KCNMA1: variants seen among roughly 807,000 people sequenced by gnomAD.
The protein encoded by KCNMA1 is potassium calcium-activated channel subfamily M alpha 1.
Under a neutral mutation model 140.0 loss-of-function variants are expected in KCNMA1, and 29 were observed. The observed-to-expected ratio is 0.21, with a 90% CI of 0.15 to 0.28. KCNMA1 has a LOEUF of 0.28. Ranked by LOEUF, KCNMA1 falls within the 10% of genes least tolerant of loss-of-function variation. The pLI is 1.00. For missense variants in KCNMA1, 880 were observed against 1,602.2 expected (o/e 0.55, Z 7.70); for synonymous variants, 612 against 611.9 (o/e 1.00, Z 0.00).
chr10:77,038,020 C>T (rs2094445633), intron 15 of KCNMA1, among the ~76,000 whole-genome samples: 1 of 152,172 alleles, frequency 6.6e-6, no homozygotes, highest in Admixed American at 6.5e-5. Flanking sequence ...GAATCAATTA[C>T]CTATTCACTT....
At chr10:77,267,600 ATGGC>A (rs2063785632) in intron 2 of KCNMA1, among the ~76,000 whole-genome samples, 1 of 152,162 alleles carries the variant, frequency 6.6e-6, no homozygotes, top group Admixed American at 6.5e-5. Flanking sequence ...GATCGCTGTG[ATGGC>A]TGCACCCTCC....
Position 77,436,302 on chromosome 10 carries a change from C to T in KCNMA1, c.379-32279G>A, listed in dbSNP as rs1289478560. ...CTGGGCTAACTTAACAGGTTGAATT[C>T]AAGGCGTACCAAACTTTAAAACTGG... On this transcript the variant is annotated intron_variant, in intron 1 of 27. Transcript: ENST00000286628. Among the ~76,000 whole-genome samples, 3 of 152,218 alleles carry T rather than the reference C, an allele frequency of 2.0e-5. No homozygotes were observed. In the East Asian group the frequency reaches 5.8e-4, roughly 29 times the overall value.
At chr10:77,452,267 C>CAGATGGGGG (rs1367548412) in intron 1 of KCNMA1, among the ~76,000 whole-genome samples, 2 of 152,170 alleles carry the variant, frequency 1.3e-5, no homozygotes, top group Non-Finnish European at 2.9e-5. Context: ...TGTGAGACCC[C>CAGATGGGGG]AGATGGGGGA....
At chr10:77,496,908 A>G (rs1320088907) in intron 1 of KCNMA1, among the ~76,000 whole-genome samples, 1 of 151,854 alleles carries the variant, frequency 6.6e-6, no homozygotes, top group African/African-American at 2.4e-5. Flanking sequence ...TTGTCTTCCC[A>G]CTCGCCATCC....
At chr10:77,502,735 G>A (rs761203961) in intron 1 of KCNMA1, among the ~76,000 whole-genome samples, 1 of 152,034 alleles carries the variant, frequency 6.6e-6, no homozygotes. Flanking sequence ...ACAACTCTCC[G>A]AGCCTCAATT....
At chr10:77,119,681 T>C (rs1181872852) in intron 6 of KCNMA1, among the ~76,000 whole-genome samples, 1 of 152,198 alleles carries the variant, frequency 6.6e-6, no homozygotes, top group Non-Finnish European at 1.5e-5. Context: ...CAATATTCAC[T>C]GTATGTGAAT....
At chr10:77,251,837 C>A (rs1448405828) in intron 2 of KCNMA1, among the ~76,000 whole-genome samples, 1 of 152,152 alleles carries the variant, frequency 6.6e-6, no homozygotes, top group Non-Finnish European at 1.5e-5. Flanking sequence ...ATCCCCTTTC[C>A]CATTTCCAAG....
At chr10:76,903,503 G>A (rs926048499) in intron 25 of KCNMA1, 6 of 152,038 alleles carry the variant, frequency 3.9e-5, no homozygotes, top group African/African-American at 1.5e-4. Context: ...CTGGCCTGAT[G>A]TGACAGCAGT....
intron 27 of KCNMA1, chr10:76,888,352 A>G (rs2038213041): frequency 6.6e-6 from 1 of 152,212 alleles, no homozygotes; most frequent in Non-Finnish European, 1.5e-5. Context: ...CTGGCTATAC[A>G]CTATAATCCC....
intron 1 of KCNMA1, among the ~76,000 whole-genome samples, chr10:77,503,640 G>A (rs999347628): frequency 1.3e-5 from 2 of 152,184 alleles, no homozygotes; most frequent in Non-Finnish European, 2.9e-5. Flanking sequence ...GTGCAGTCAT[G>A]GGCCCAGCAC....
intron 2 of KCNMA1, 41 bp downstream of exon 2, chr10:77,403,821 A>G (rs779029196): frequency 6.3e-6 from 10 of 1,586,974 alleles, no homozygotes; most frequent in Non-Finnish European, 8.6e-7. Flanking sequence ...CTTGGCCCAG[A>G]CAGCAAGGCC....
rs1162318311 is a variant in KCNMA1 at position 77,041,151 on chromosome 10, C to CT, written c.1750-1515dup. ...TGTGCACCACCATGCCTGGCTAATT[C>CT]TTTTTTTTTTTTTTTTTTTTTTTTT... On this transcript the variant is annotated intron_variant, in intron 14 of 27. Coordinates refer to ENST00000286628, the MANE Select transcript of KCNMA1 (RefSeq NM_001161352.2). Among the ~76,000 whole-genome samples the CT allele has an allele frequency of 1.9e-3, 3 of 1,584 alleles. 1 individual carries two copies. Among genetic ancestry groups the CT allele is most frequent in the Non-Finnish European group, 3.5e-3 (3 of 848 alleles). 1.0% of individuals were successfully genotyped at this position (1,584 alleles called of 152,430 possible). A position where few individuals can be genotyped will look rare whatever the true frequency, so the allele number is the denominator to read the frequency against.
At chr10:77,357,142 T>G (rs2093562688) in intron 2 of KCNMA1, among the ~76,000 whole-genome samples, 1 of 152,240 alleles carries the variant, frequency 6.6e-6, no homozygotes, top group African/African-American at 2.4e-5. Flanking sequence ...ATCATTTGAT[T>G]GCCTGGAATC....
chr10:77,608,036 C>G (rs555711379), intron 1 of KCNMA1, among the ~76,000 whole-genome samples: 18 of 152,272 alleles, frequency 1.2e-4, no homozygotes, highest in Middle Eastern at 3.4e-3. Context: ...ATGCTGCTTT[C>G]TGCCTAAGTC....
chr10:77,556,300 T>G (rs2064349845), intron 1 of KCNMA1, among the ~76,000 whole-genome samples: 1 of 151,338 alleles, frequency 6.6e-6, no homozygotes, highest in South Asian at 2.1e-4. Context: ...AGTTTAGGAG[T>G]TCGAGACCAG....
At chr10:76,906,783 T>A (rs1436074854) in intron 25 of KCNMA1, among the ~76,000 whole-genome samples, 1 of 145,140 alleles carries the variant, frequency 6.9e-6, no homozygotes, top group Non-Finnish European at 1.5e-5. Context: ...ACTAATCTGT[T>A]TTTTCATACA....
At chr10:77,003,843 AT>A (rs1029482458) in intron 18 of KCNMA1, among the ~76,000 whole-genome samples, 1 of 152,150 alleles carries the variant, frequency 6.6e-6, no homozygotes, top group African/African-American at 2.4e-5. Flanking sequence ...TTTTGAAACT[AT>A]TTGTTCAGAG....
At chr10:77,127,553 G>A (rs2097767797) in intron 5 of KCNMA1, among the ~76,000 whole-genome samples, 1 of 133,400 alleles carries the variant, frequency 7.5e-6, no homozygotes, top group African/African-American at 2.9e-5. Context: ...ATTGAGTACA[G>A]TGATAGAGAA....
intron 3 of KCNMA1, among the ~76,000 whole-genome samples, chr10:77,231,802 A>G (rs1287560412): frequency 6.6e-6 from 1 of 152,128 alleles, no homozygotes. Flanking sequence ...CACAGTCATT[A>G]TTTGCTAATG....
Sources: allele counts gnomAD v4.1 joint callset (sites outside exome capture counted in the v4.1 genomes callset), GRCh38; gene constraint gnomAD v4.1.1; transcripts MANE v1.5; gene names NCBI Gene and HGNC (gene_info 2026-07-23, HGNC 2026-07-21).